Variants in IFT22 observed in about 807,000 individuals in gnomAD.
IFT22 encodes intraflagellar transport 22, also known as intraflagellar transport protein 22 homolog.
Under a neutral mutation model 21.0 loss-of-function variants are expected in IFT22, and 13 were observed. The observed-to-expected ratio is 0.62, with a 90% CI of 0.40 to 0.98. The LOEUF (loss-of-function observed/expected upper bound fraction) is 0.98, where lower values mean the gene tolerates loss of function less well. Among genes scored for constraint, IFT22 ranks in the 50% least tolerant of loss-of-function variants. The probability of loss-of-function intolerance (pLI) is 0.00; values close to 1 mark genes in which losing one functional copy is unlikely to be tolerated. For missense variants in IFT22, 227 were observed against 228.9 expected (o/e 0.99, Z 0.06); for synonymous variants, 67 against 82.4 (o/e 0.81, Z 1.01).
chr7:101,321,577 G>T, intron 1 of IFT22, 94 bp downstream of exon 1: 2 of 1,359,558 alleles, frequency 1.5e-6, no homozygotes, highest in South Asian at 1.3e-5. Context: ...CCGCCTCCGG[G>T]AGCAAGCCGC....
At chr7:101,318,832 C>G (rs1790242662) in intron 2 of IFT22, 124 bp downstream of exon 2, 1 of 708,992 alleles carries the variant, frequency 1.4e-6, no homozygotes, top group African/African-American at 1.8e-5. Context: ...GACGGGGTCT[C>G]CCTATATTGC....
At chr7:101,318,689 T>TACA in intron 2 of IFT22, 1 of 397,232 alleles carries the variant, frequency 2.5e-6, no homozygotes, top group East Asian at 4.5e-5. Context: ...CAGGCTGGAG[T>TACA]GCAGTGGCAC....
At position 101,314,929 on chromosome 7, in the gene IFT22, T is replaced by G. The variant is rs1182754501; in HGVS notation, c.*205A>C. ...CTGGGGCCAGGAAATCCAAATTTGA[T>G]AATAGGATTTTCTCAACTGAACTCA... On this transcript the variant is annotated 3_prime_UTR_variant, in exon 5 of 5. Transcript: ENST00000315322. 2.0e-5 allele frequency: 11 copies of G among 550,994 alleles called. No homozygotes were observed. Among genetic ancestry groups the G allele is most frequent in the Non-Finnish European group, 3.5e-5 (11 of 318,796 alleles). The allele number at this position is 550,994 out of a possible 1,614,324, so 34.1% of individuals were successfully genotyped here.
At position 101,316,522 on chromosome 7, in the gene IFT22, G is replaced by A. The variant is rs769954713; in HGVS notation, c.227C>T (p.Ala76Val). 7 of 1,614,000 alleles carry A rather than the reference G, an allele frequency of 4.3e-6. No individual in the cohort carries two copies. In the East Asian group the frequency reaches 1.3e-4, roughly 31 times the overall value. Residue 76 changes from alanine to valine, a missense_variant, in exon 4 of 5, where the codon GCC becomes GTC. By Grantham distance (64) the Ala-to-Val change is moderately conservative. Coordinates refer to ENST00000315322, the MANE Select transcript of IFT22 (RefSeq NM_022777.4). ...GDAKFESCWP[A>V]LMKDAHGVVI... is the part of the protein sequence containing the mutation. ...CACTCCATGAGCATCCTTCATCAGGGCCGGCCAGCAGGACTCAAACCTGCG... is the reference window on the plus strand; with the variant it reads ...CACTCCATGAGCATCCTTCATCAGGACCGGCCAGCAGGACTCAAACCTGCG...
chr7:101,319,120 G>C (rs943249312), intron 1 of IFT22, 88 bp from the exon 2 acceptor site: 1 of 1,288,388 alleles, frequency 7.8e-7, no homozygotes, highest in African/African-American at 1.5e-5. Context: ...CTGGAACCCG[G>C]TGTGGTGCAG....
Position 101,314,927 on chromosome 7 carries a change from G to T in IFT22, c.*207C>A. 1 of 543,064 alleles carries T rather than the reference G, an allele frequency of 1.8e-6. No individual in the cohort carries two copies. The highest frequency in any genetic ancestry group is 3.2e-6 in the Non-Finnish European group (1 of 314,100). 33.6% of individuals were successfully genotyped at this position (543,064 alleles called of 1,614,324 possible). A position where few individuals can be genotyped will look rare whatever the true frequency, so the allele number is the denominator to read the frequency against. On this transcript the variant is annotated 3_prime_UTR_variant, in exon 5 of 5. Coordinates refer to ENST00000315322, the MANE Select transcript of IFT22 (RefSeq NM_022777.4). ...TTCTGGGGCCAGGAAATCCAAATTT[G>T]ATAATAGGATTTTCTCAACTGAACT... is the stretch of plus-strand genomic sequence containing the variant.
intron 3 of IFT22, 86 bp downstream of exon 3, chr7:101,318,038 A>T (rs1790213458): frequency 8.6e-7 from 1 of 1,158,148 alleles, no homozygotes; most frequent in African/African-American, 1.5e-5. Flanking sequence ...AAAGTGCTGG[A>T]ATTACAGGTG....
chr7:101,312,720 A>G lies in IFT22; in HGVS notation c.*2414T>C, dbSNP rs1584304335. On this transcript the variant is annotated 3_prime_UTR_variant, in exon 5 of 5. Transcript: ENST00000315322. ...CCAGCTAATTTTTTGTGTTTTTAGT[A>G]GAGTCGGGGTTTCACCATGTTGGAC... Among the ~76,000 whole-genome samples, 1 of 96,178 alleles carries G rather than the reference A, an allele frequency of 1.0e-5. No individual in the cohort carries two copies. The highest frequency in any genetic ancestry group is 4.5e-5 in the African/African-American group (1 of 22,338). The allele number at this position is 96,178 out of a possible 152,430, so 63.1% of individuals were successfully genotyped here. A position where few individuals can be genotyped will look rare whatever the true frequency, so the allele number is the denominator to read the frequency against.
Position 101,319,006 on chromosome 7 carries a change from A to G in IFT22, c.66T>C (p.Phe22=), listed in dbSNP as rs748073746. The change falls in exon 2 of 5, where the codon TTT becomes TTC. Residue 22 remains phenylalanine, a synonymous_variant. Transcript: ENST00000315322. Reference sequence around the variant, plus strand: ...CAGTGATGTCAGAAGATTCTGTCAGAAAGTTGGCCAAAACAGTTTTTCCAC... The same window carrying G: ...CAGTGATGTCAGAAGATTCTGTCAGGAAGTTGGCCAAAACAGTTTTTCCAC... ...CESGKTVLAN[F]LTESSDITEY... is the part of the protein sequence containing the mutation. 6 of 1,613,892 alleles carry G rather than the reference A, an allele frequency of 3.7e-6. No individual in the cohort carries two copies. Among genetic ancestry groups the G allele is most frequent in the Non-Finnish European group, 4.2e-6 (5 of 1,179,934 alleles).
chr7:101,315,255 AC>A lies in IFT22; in HGVS notation c.436del (p.Val146CysfsTer17), dbSNP rs1790110878. ...LSPPLNKLKL[V>X]HSNLEDDPEE... Reference sequence around the variant, plus strand: ...AGGGTCATCTTCCAGGTTTGAGTGCACCAGCTTCAGCTTGTTCAAGGGTGGC... The same window carrying A: ...AGGGTCATCTTCCAGGTTTGAGTGCACAGCTTCAGCTTGTTCAAGGGTGGC... On this transcript the variant is annotated frameshift_variant, in exon 5 of 5. Transcript: ENST00000315322. LOFTEE classifies it high-confidence loss of function. 1 of 1,614,046 alleles carries A rather than the reference AC, an allele frequency of 6.2e-7. No homozygotes were observed. The highest frequency in any genetic ancestry group is 1.1e-5 in the South Asian group (1 of 91,086).
intron 3 of IFT22, among the ~76,000 whole-genome samples, chr7:101,317,165 T>C (rs1790183548): frequency 6.6e-6 from 1 of 151,846 alleles, no homozygotes. Flanking sequence ...TTATTATTAT[T>C]ATTATTTTTG....
Position 101,313,201 on chromosome 7 carries a change from G to A in IFT22, c.*1933C>T, listed in dbSNP as rs1297203267. 3.9e-5 allele frequency among the ~76,000 whole-genome samples: 6 copies of A among 152,098 alleles called. No homozygotes were observed. Among genetic ancestry groups the A allele is most frequent in the Admixed American group, 2.6e-4 (4 of 15,262 alleles). ...TGGTATTACAGGTGTGTGCCAACAT[G>A]CCTGGCGAATTTTTGTATTTTTAGT... On this transcript the variant is annotated 3_prime_UTR_variant, in exon 5 of 5. Transcript: ENST00000315322.
At chr7:101,321,430 G>A in intron 1 of IFT22, 1 of 544,762 alleles carries the variant, frequency 1.8e-6, no homozygotes, top group South Asian at 2.3e-5. Flanking sequence ...TCAGTACCTT[G>A]GGCCTTCGGG....
At chr7:101,321,304 A>T in intron 1 of IFT22, 1 of 266,946 alleles carries the variant, frequency 3.7e-6, no homozygotes, top group Non-Finnish European at 7.2e-6. Context: ...AGCCTGGACG[A>T]CACAGCGACA....
At chr7:101,316,681 T>C in intron 3 of IFT22, 139 bp from the exon 4 acceptor site, 1 of 755,898 alleles carries the variant, frequency 1.3e-6, no homozygotes, top group East Asian at 2.7e-5. Flanking sequence ...TCCCAGCACT[T>C]TGGGAGGCCG....
At position 101,316,566 on chromosome 7, in the gene IFT22, A is replaced by G. The variant is rs774224254; in HGVS notation, c.207-24T>C. ...ACCTGCGAGGAAGAAAAGGAACAACAGGGAAAGTTAGGTCATTCTGGTTTC... is the reference window on the plus strand; with the variant it reads ...ACCTGCGAGGAAGAAAAGGAACAACGGGGAAAGTTAGGTCATTCTGGTTTC... On this transcript the variant is annotated intron_variant, in intron 3 of 4. Coordinates refer to ENST00000315322, the MANE Select transcript of IFT22 (RefSeq NM_022777.4). The G allele has an allele frequency of 1.7e-5, 28 of 1,606,998 alleles. No individual in the cohort carries two copies. In the Admixed American group the frequency reaches 4.0e-4, roughly 23 times the overall value.
rs1790099331 is a variant in IFT22 at position 101,315,008 on chromosome 7, C to T, written c.*126G>A. ...GCCCTGTGTGACAGGTGCCTTCCTG[C>T]AGGTAGGAACACTTCCTCTGCAGTC... On this transcript the variant is annotated 3_prime_UTR_variant, in exon 5 of 5. Transcript: ENST00000315322. 9.7e-7 allele frequency: 1 copy of T among 1,031,874 alleles called. No homozygotes were observed. The highest frequency in any genetic ancestry group is 2.6e-5 in the Admixed American group (1 of 38,170). The allele number at this position is 1,031,874 out of a possible 1,614,324, so 63.9% of individuals were successfully genotyped here.
Position 101,312,919 on chromosome 7 carries a change from C to T in IFT22, c.*2215G>A, listed in dbSNP as rs942965219. Among the ~76,000 whole-genome samples, 5 of 151,788 alleles carry T rather than the reference C, an allele frequency of 3.3e-5. No individual in the cohort carries two copies. Among genetic ancestry groups the T allele is most frequent in the East Asian group, 3.9e-4 (2 of 5,146 alleles). The stretch of plus-strand genomic sequence containing the variant: ...CACAATCTCGGCTTACTGCAACCTC[C>T]GCCTCCCAGGTTCAAGCGATTCTCC... On this transcript the variant is annotated 3_prime_UTR_variant, in exon 5 of 5. Transcript: ENST00000315322.
intron 1 of IFT22, among the ~76,000 whole-genome samples, chr7:101,320,557 CCT>C (rs1562935056): frequency 2.3e-5 from 3 of 130,138 alleles, no homozygotes; most frequent in African/African-American, 3.1e-5. Flanking sequence ...CCGCGCCCGG[CCT>C]TTTTTTTTTT....
Sources: allele counts gnomAD v4.1 joint callset (sites outside exome capture counted in the v4.1 genomes callset), GRCh38; gene constraint gnomAD v4.1.1; transcripts MANE v1.5; gene names NCBI Gene and HGNC (gene_info 2026-07-23, HGNC 2026-07-21).